Variants in TMC3 observed in about 807,000 individuals in gnomAD.
TMC3 encodes the protein transmembrane channel-like protein 3.
TMC3 carries 98 observed loss-of-function variants against 110.6 expected under a neutral mutation model. That is an observed-to-expected ratio of 0.89 (90% confidence interval 0.75 to 1.05). The LOEUF (loss-of-function observed/expected upper bound fraction) is 1.05. Among genes scored for constraint, TMC3 ranks in the 50% least tolerant of loss-of-function variants. The probability of loss-of-function intolerance (pLI) is 0.00; values close to 1 mark genes in which losing one functional copy is unlikely to be tolerated. For missense variants in TMC3, 1,319 were observed against 1,373.2 expected (o/e 0.96, Z 0.62); for synonymous variants, 489 against 513.1 (o/e 0.95, Z 0.63).
chr15:81,333,398 G>A (rs766269207), intron 21 of TMC3, 136 bp from the exon 22 acceptor site: 19 of 1,209,924 alleles, frequency 1.6e-5, no homozygotes, highest in Non-Finnish European at 2.0e-5. Context: ...TATGGATTGT[G>A]TGCACAGAGA....
intron 7 of TMC3, among the ~76,000 whole-genome samples, chr15:81,356,905 A>C (rs900507649): frequency 9.9e-5 from 15 of 152,226 alleles, no homozygotes; most frequent in Admixed American, 9.8e-4. Flanking sequence ...AGCTGTTCTC[A>C]TCTCTTTGCA....
intron 15 of TMC3, 98 bp from the exon 16 acceptor site, chr15:81,341,616 G>A: frequency 7.4e-7 from 1 of 1,360,186 alleles, no homozygotes; most frequent in South Asian, 1.4e-5. Context: ...TGACACTTTG[G>A]GGATTATACC....
chr15:81,343,542 C>T (rs1328390449), intron 14 of TMC3, among the ~76,000 whole-genome samples, 197 bp from the exon 15 acceptor site: 1 of 152,126 alleles, frequency 6.6e-6, no homozygotes, highest in Non-Finnish European at 1.5e-5. Context: ...GTAATCCCAG[C>T]ACTTCGGGAG....
rs778294957 is a variant in TMC3 at position 81,362,208 on chromosome 15, G to A, written c.394+12C>T. Reference sequence around the variant, plus strand: ...TGCATTCCTGCCCCACTCTCCAGGTGTAAATACTTACTCTCGATTTTCTTT... The same window carrying A: ...TGCATTCCTGCCCCACTCTCCAGGTATAAATACTTACTCTCGATTTTCTTT... On this transcript the variant is annotated intron_variant, in intron 4 of 21. Transcript: ENST00000359440. 1 of 1,597,568 alleles carries A rather than the reference G, an allele frequency of 6.3e-7. No homozygotes were observed. The highest frequency in any genetic ancestry group is 2.3e-5 in the East Asian group (1 of 44,402).
intron 1 of TMC3, among the ~76,000 whole-genome samples, chr15:81,373,556 A>T (rs544453046): frequency 3.2e-4 from 48 of 152,312 alleles, no homozygotes; most frequent in Admixed American, 2.9e-3. Context: ...GCTGTACTAG[A>T]CCTTTATAAA....
intron 3 of TMC3, among the ~76,000 whole-genome samples, chr15:81,365,761 G>T (rs1384593239): frequency 1.3e-5 from 2 of 152,014 alleles, no homozygotes; most frequent in African/African-American, 4.8e-5. Flanking sequence ...CCTAATTGTG[G>T]GTTTGGGTTA....
chr15:81,372,275 C>G (rs944687327), intron 2 of TMC3, among the ~76,000 whole-genome samples: 1 of 151,538 alleles, frequency 6.6e-6, no homozygotes, highest in African/African-American at 2.4e-5. Context: ...ATAAAAGACT[C>G]TCCACCAACA....
Position 81,341,518 on chromosome 15 carries a change from C to G in TMC3, c.1716G>C (p.Trp572Cys). The G allele has an allele frequency of 6.2e-7, 1 of 1,609,090 alleles. No homozygotes were observed. The change falls in exon 16 of 22, where the codon TGG becomes TGC. Residue 572 changes from tryptophan (W) to cysteine (C), a missense_variant and splice_region_variant. Transcript: ENST00000359440. ...LHLVYNQGMI[W>C]MGAFFSPCLP... ...GACATGGGGAGAAGAAGGCCCCCAT[C>G]CTGGAACCATGAGGAAGGTCAGTTT...
In TMC3 at chr15:81,344,821, G is replaced by A. The variant is rs1272625283; in HGVS notation, c.1463C>T (p.Thr488Ile). ...YTMPLIKANK[T>I]SLHTQSPQDQ... ...TTGTGGACTCTGAGTGTGGAGGCTAGTCTTGTTGGCCTTTATAAGAGGCAT... is the reference window on the plus strand; with the variant it reads ...TTGTGGACTCTGAGTGTGGAGGCTAATCTTGTTGGCCTTTATAAGAGGCAT... Residue 488 changes from threonine to isoleucine, a missense_variant, in exon 13 of 22, where the codon ACT (threonine) becomes ATT (isoleucine). Thr to Ile is a moderately conservative substitution (Grantham distance 89). Coordinates refer to ENST00000359440, the MANE Select transcript of TMC3 (RefSeq NM_001080532.3). The A allele has an allele frequency of 1.2e-6, 2 of 1,613,828 alleles. No homozygotes were observed. Among genetic ancestry groups the A allele is most frequent in the Non-Finnish European group, 1.7e-6 (2 of 1,179,886 alleles).
In TMC3 at chr15:81,334,748, T is replaced by C; in HGVS notation, c.2431A>G (p.Lys811Glu). The change falls in exon 21 of 22, where the codon AAA (lysine) becomes GAA (glutamate). Residue 811 changes from lysine to glutamate, a missense_variant. Lys to Glu is a moderately conservative substitution (Grantham distance 56, BLOSUM62 1). Coordinates refer to ENST00000359440, the MANE Select transcript of TMC3 (RefSeq NM_001080532.3). ...TTAGTTTCATGCTCTAGCCTGGATT[T>C]GGGGACCCCAGGGAGAGGTGAGCTA... ...APSSPLPGVPKSRLEHETNRY... is the reference protein window; with the variant it reads ...APSSPLPGVPESRLEHETNRY... 1.2e-6 allele frequency: 2 copies of C among 1,613,948 alleles called. No homozygotes were observed. Among genetic ancestry groups the C allele is most frequent in the Non-Finnish European group, 1.7e-6 (2 of 1,179,854 alleles).
At chr15:81,362,360 C>G in intron 3 of TMC3, 59 bp from the exon 4 acceptor site, 1 of 1,318,528 alleles carries the variant, frequency 7.6e-7, no homozygotes, top group South Asian at 1.2e-5. Context: ...AATGGCTGTG[C>G]AGTACTAGGC....
At chr15:81,368,094 C>A (rs1000858032) in intron 3 of TMC3, among the ~76,000 whole-genome samples, 159 bp downstream of exon 3, 3 of 152,104 alleles carry the variant, frequency 2.0e-5, no homozygotes, top group African/African-American at 4.8e-5. Context: ...GCCACCACGC[C>A]CGGCTAATTT....
chr15:81,364,042 T>C (rs751380283), intron 3 of TMC3, among the ~76,000 whole-genome samples: 2 of 152,246 alleles, frequency 1.3e-5, no homozygotes, highest in Non-Finnish European at 2.9e-5. Flanking sequence ...TTTCTCCATC[T>C]GTATAAGAAG....
chr15:81,341,653 C>T, intron 15 of TMC3, 135 bp from the exon 16 acceptor site: 2 of 931,314 alleles, frequency 2.1e-6, no homozygotes. Flanking sequence ...GGAAAAGCCC[C>T]TGAAGTCCCG....
At chr15:81,353,143 A>G (rs533344543) in intron 9 of TMC3, among the ~76,000 whole-genome samples, 54 of 152,324 alleles carry the variant, frequency 3.5e-4, no homozygotes, top group Non-Finnish European at 6.2e-4. Flanking sequence ...TTTAACAAAA[A>G]AAGTGTAAAA....
chr15:81,372,691 C>T lies in TMC3; in HGVS notation c.136G>A (p.Asp46Asn). 1 of 1,613,988 alleles carries T rather than the reference C, an allele frequency of 6.2e-7. No homozygotes were observed. The highest frequency in any genetic ancestry group is 8.5e-7 in the Non-Finnish European group (1 of 1,179,880). The change falls in exon 2 of 22, where the codon GAT becomes AAT. Residue 46 changes from aspartate to asparagine, a missense_variant. Asp to Asn is a conservative substitution (Grantham distance 23, BLOSUM62 1). Transcript: ENST00000359440. The part of the protein sequence containing the change: ...FSADETGDSN[D>N]PEQIFQNIQF... ...ATATTCTGGAAGATTTGTTCCGGATCATTGCTGTCCCCTGTTTCATCAGCA... is the reference window on the plus strand; with the variant it reads ...ATATTCTGGAAGATTTGTTCCGGATTATTGCTGTCCCCTGTTTCATCAGCA...
intron 9 of TMC3, among the ~76,000 whole-genome samples, chr15:81,353,771 TG>T (rs1894001744): frequency 6.6e-6 from 1 of 152,246 alleles, no homozygotes; most frequent in African/African-American, 2.4e-5. Flanking sequence ...CCTGTCACTA[TG>T]CAACATCTGA....
Position 81,334,725 on chromosome 15 carries a change from A to G in TMC3, c.2454T>C (p.Thr818=), listed in dbSNP as rs777027481. ...GVPKSRLEHE[T]NRYLHGLCAS... ...GTGCTGCAGTGGAGCCTCACCTGTT[A>G]GTTTCATGCTCTAGCCTGGATTTGG... The change falls in exon 21 of 22, where the codon ACT becomes ACC. Residue 818 remains threonine, a synonymous_variant. Coordinates refer to ENST00000359440, the MANE Select transcript of TMC3 (RefSeq NM_001080532.3). The G allele has an allele frequency of 1.2e-6, 2 of 1,613,316 alleles. No homozygotes were observed. The highest frequency in any genetic ancestry group is 2.2e-5 in the South Asian group (2 of 91,052).
At position 81,331,305 on chromosome 15, in the gene TMC3, C is replaced by T. The variant is rs556673885; in HGVS notation, c.*1114G>A. The stretch of plus-strand genomic sequence containing the variant: ...CTACATGTTCCACATCCCTGGGAAA[C>T]CATGTTTCTGCATCAACCTTGTAAC... On this transcript the variant is annotated 3_prime_UTR_variant, in exon 22 of 22. Transcript: ENST00000359440. 6 of 152,300 alleles carry T rather than the reference C, an allele frequency of 3.9e-5. No homozygotes were observed. Among genetic ancestry groups the T allele is most frequent in the African/African-American group, 1.4e-4 (6 of 41,550 alleles). 9.4% of individuals were successfully genotyped at this position (152,300 alleles called of 1,614,324 possible).
Sources: allele counts gnomAD v4.1 joint callset (sites outside exome capture counted in the v4.1 genomes callset), GRCh38; gene constraint gnomAD v4.1.1; transcripts MANE v1.5; gene names NCBI Gene and HGNC (gene_info 2026-07-23, HGNC 2026-07-21).